The following CTNNA3 variants were observed in gnomAD, a reference collection of about 807,000 sequenced individuals.
The protein encoded by CTNNA3 is catenin alpha 3, also known as catenin alpha-3.
CTNNA3 carries 76 observed loss-of-function variants against 95.7 expected under a neutral mutation model. The observed-to-expected ratio is 0.79, with a 90% CI of 0.66 to 0.96. The LOEUF (loss-of-function observed/expected upper bound fraction) is 0.96. CTNNA3 is among the 40% of genes least tolerant of loss of function. The pLI, the probability that CTNNA3 is intolerant of heterozygous loss-of-function variation, is 0.00. For missense variants in CTNNA3, 1,191 were observed against 1,089.8 expected (o/e 1.09, Z -1.31); for synonymous variants, 431 against 374.4 (o/e 1.15, Z -1.74).
At chr10:66,552,514 A>G (rs1005320496) in intron 10 of CTNNA3, among the ~76,000 whole-genome samples, 2 of 152,126 alleles carry the variant, frequency 1.3e-5, no homozygotes, top group Non-Finnish European at 2.9e-5. Flanking sequence ...AATTAAAGTC[A>G]GGTAGTCATT....
intron 7 of CTNNA3, among the ~76,000 whole-genome samples, chr10:67,135,834 T>A (rs1032417464): frequency 1.3e-5 from 2 of 152,190 alleles, no homozygotes; most frequent in Non-Finnish European, 2.9e-5. Context: ...AATAAAAAAA[T>A]TAACTCATTC....
chr10:67,132,428 G>A (rs75679534), intron 7 of CTNNA3, among the ~76,000 whole-genome samples: 3,916 of 152,132 alleles, frequency 0.026, 164 homozygotes, highest in East Asian at 0.14. Flanking sequence ...AAGAGATCGT[G>A]TTTCCAGGGA....
chr10:66,407,849 G>A (rs2093070405), intron 11 of CTNNA3, among the ~76,000 whole-genome samples: 1 of 152,148 alleles, frequency 6.6e-6, no homozygotes, highest in Admixed American at 6.6e-5. Flanking sequence ...AAAGTGCTGG[G>A]ATTACAGGCG....
chr10:66,596,546 C>A (rs1196279661), intron 10 of CTNNA3, among the ~76,000 whole-genome samples: 1 of 152,108 alleles, frequency 6.6e-6, no homozygotes, highest in East Asian at 1.9e-4. Flanking sequence ...ACAAGCCTGG[C>A]TTTGCATGAT....
intron 7 of CTNNA3, among the ~76,000 whole-genome samples, chr10:67,009,866 G>T (rs1193656679): frequency 6.6e-6 from 1 of 152,062 alleles, no homozygotes; most frequent in African/African-American, 2.4e-5. Context: ...GACTTTCTAT[G>T]TTATGGTTTG....
intron 7 of CTNNA3, among the ~76,000 whole-genome samples, chr10:66,930,884 T>G (rs1356593198): frequency 6.6e-6 from 1 of 152,094 alleles, no homozygotes; most frequent in African/African-American, 2.4e-5. Context: ...GGGAAAAAAG[T>G]TCTTTCTTTC....
intron 13 of CTNNA3, among the ~76,000 whole-genome samples, chr10:66,257,425 C>A (rs1252816706): frequency 1.3e-5 from 2 of 152,186 alleles, no homozygotes; most frequent in African/African-American, 4.8e-5. Flanking sequence ...TCGTGCCAAG[C>A]TGCCTTGTTC....
chr10:66,846,694 T>G (rs1843296205), intron 7 of CTNNA3, among the ~76,000 whole-genome samples: 1 of 152,164 alleles, frequency 6.6e-6, no homozygotes, highest in Non-Finnish European at 1.5e-5. Flanking sequence ...GTGACTCTCT[T>G]TTTAGGAATG....
chr10:67,028,063 C>T (rs142549015), intron 7 of CTNNA3, among the ~76,000 whole-genome samples: 372 of 152,244 alleles, frequency 2.4e-3, no homozygotes, highest in Non-Finnish European at 4.1e-3. Flanking sequence ...AGGGAACTAT[C>T]CAAGGTCACA....
chr10:66,689,654 C>T (rs1461008210), intron 9 of CTNNA3, among the ~76,000 whole-genome samples: 2 of 152,086 alleles, frequency 1.3e-5, no homozygotes, highest in Non-Finnish European at 2.9e-5. Flanking sequence ...AGCTCTTTGA[C>T]ATATTAATAA....
chr10:67,586,898 G>T (rs1842643563), intron 3 of CTNNA3, among the ~76,000 whole-genome samples: 1 of 151,882 alleles, frequency 6.6e-6, no homozygotes, highest in African/African-American at 2.4e-5. Flanking sequence ...TATCATTGTG[G>T]TTTGGTGTAA....
intron 15 of CTNNA3, among the ~76,000 whole-genome samples, chr10:66,037,558 A>G (rs1304858544): frequency 6.6e-6 from 1 of 152,250 alleles, no homozygotes; most frequent in Non-Finnish European, 1.5e-5. Context: ...CAGCTTTCAT[A>G]ATAATGAGGA....
At chr10:66,739,727 C>T (rs994636868) in intron 9 of CTNNA3, among the ~76,000 whole-genome samples, 6 of 152,030 alleles carry the variant, frequency 3.9e-5, no homozygotes, top group African/African-American at 1.4e-4. Context: ...CTGGAATAAA[C>T]TTGTTTTTAG....
intron 1 of CTNNA3, among the ~76,000 whole-genome samples, chr10:67,754,168 G>A (rs888368264): frequency 6.6e-6 from 1 of 152,150 alleles, no homozygotes; most frequent in South Asian, 2.1e-4. Context: ...TTTGCAGGGA[G>A]ATGGATGGAG....
intron 7 of CTNNA3, chr10:67,098,973 T>G (rs1858173572): frequency 6.6e-6 from 1 of 151,848 alleles, no homozygotes; most frequent in Non-Finnish European, 1.5e-5. Context: ...ATCATTTCTC[T>G]CCTGAGGAAG....
intron 17 of CTNNA3, among the ~76,000 whole-genome samples, chr10:65,957,953 C>T (rs2077766869): frequency 6.6e-6 from 1 of 152,138 alleles, no homozygotes; most frequent in Non-Finnish European, 1.5e-5. Flanking sequence ...TGGGGAAGTT[C>T]ACCTGGATAA....
chr10:65,995,709 TG>T (rs1377547530), intron 15 of CTNNA3, among the ~76,000 whole-genome samples: 7 of 152,204 alleles, frequency 4.6e-5, no homozygotes, highest in Non-Finnish European at 1.0e-4. Flanking sequence ...GCATGAGCAA[TG>T]GCCATATCTG....
At chr10:66,136,712 G>GAGTAACACAACAC (rs71299295) in intron 13 of CTNNA3, among the ~76,000 whole-genome samples, 125,917 of 151,994 alleles carry the variant, frequency 0.83, 52,336 homozygotes, top group South Asian at 0.91. Context: ...GTTTAGAAGA[G>GAGTAACACAACAC]AGCATTGTGT....
At chr10:66,596,017 C>T (rs563536917) in intron 10 of CTNNA3, among the ~76,000 whole-genome samples, 140 of 152,104 alleles carry the variant, frequency 9.2e-4, no homozygotes, top group African/African-American at 3.2e-3. Context: ...AATAACTCAA[C>T]TGACCCTCGT....
Sources: gnomAD v4.1 joint callset for allele counts (sites outside exome capture counted in the v4.1 genomes callset) on GRCh38, gnomAD v4.1.1 for gene constraint, MANE v1.5 for transcripts, NCBI Gene and HGNC (gene_info 2026-07-23, HGNC 2026-07-21) for gene names.